The following GNB5 variants were observed in gnomAD, a reference collection of about 807,000 sequenced individuals.
GNB5 encodes the protein G protein subunit beta 5.
In GNB5, 37 loss-of-function variants were observed where a neutral mutation model predicts 55.3. That is an observed-to-expected ratio of 0.67 (90% CI 0.51 to 0.88). GNB5 has a LOEUF of 0.88. Ranked by LOEUF, GNB5 falls within the 40% of genes least tolerant of loss-of-function variation. The pLI is 0.00. For synonymous variants in GNB5, 219 were observed against 198.5 expected, an observed-to-expected ratio of 1.10 and a Z score of -0.87; for missense variants, 476 against 515.3, an observed-to-expected ratio of 0.92 and a Z score of 0.74.
intron 3 of GNB5, among the ~76,000 whole-genome samples, chr15:52,172,977 C>G (rs1029546138): frequency 1.3e-5 from 2 of 151,962 alleles, no homozygotes; most frequent in African/African-American, 4.8e-5. Flanking sequence ...CCTTTTCATA[C>G]GTGGATTTAC....
intron 1 of GNB5, among the ~76,000 whole-genome samples, chr15:52,188,768 A>G (rs1380620897): frequency 6.6e-6 from 1 of 152,214 alleles, no homozygotes; most frequent in Non-Finnish European, 1.5e-5. Flanking sequence ...TATGTGACTT[A>G]AAAAATTACC....
chr15:52,153,788 T>C (rs1566942034), intron 4 of GNB5, 152 bp downstream of exon 4: 3 of 611,928 alleles, frequency 4.9e-6, no homozygotes, highest in African/African-American at 1.8e-5. Flanking sequence ...TTCTATAATA[T>C]GTAAGAGAGT....
chr15:52,187,888 G>T (rs989274800), intron 1 of GNB5, among the ~76,000 whole-genome samples: 3 of 151,612 alleles, frequency 2.0e-5, no homozygotes, highest in Non-Finnish European at 4.4e-5. Flanking sequence ...AGCAGATGTT[G>T]CAGTAAGCTG....
rs2033177756 is a variant in GNB5, at chr15:52,117,943, T to A, written c.*4814A>T. ...ATCTACAAATCCCCACTCAATCAGC[T>A]CTTCCAGGCTTGGGAATGGCCTGGG... On this transcript the variant is annotated 3_prime_UTR_variant, in exon 13 of 13. Coordinates refer to ENST00000261837, the MANE Select transcript of GNB5 (RefSeq NM_016194.4). The A allele has an allele frequency of 6.6e-6, 1 of 152,470 alleles. No homozygotes were observed. Among genetic ancestry groups the A allele is most frequent in the Admixed American group, 6.5e-5 (1 of 15,290 alleles). The allele number at this position is 152,470 out of a possible 1,614,324, so 9.4% of individuals were successfully genotyped here.
In GNB5 at chr15:52,132,057, C is replaced by T. The variant is rs780872022; in HGVS notation, c.863+1321G>A. On this transcript the variant is annotated intron_variant, in intron 9 of 12. Coordinates refer to ENST00000261837, the MANE Select transcript of GNB5 (RefSeq NM_016194.4). ...TAAATGGACTGCTGCTTGCTGCCCT[C>T]GATAAAAGATGTGGGTTCCCTAAGC... Among the ~76,000 whole-genome samples, 6 of 152,176 alleles carry T rather than the reference C, an allele frequency of 3.9e-5. No homozygotes were observed. In the South Asian group the frequency reaches 6.2e-4, roughly 16 times the overall value.
In GNB5 at chr15:52,137,852, A is replaced by C. The variant is rs190908376; in HGVS notation, c.628-2096T>G. ...GCTCTCCCTGCCTTCTGGCTGCTCC[A>C]CAGGGCCTGGGTGAGGTGATAAGAC... On this transcript the variant is annotated intron_variant, in intron 7 of 12. Transcript: ENST00000261837. 2.3e-6 allele frequency: 3 copies of C among 1,286,346 alleles called. No individual in the cohort carries two copies. In the African/African-American group the frequency reaches 4.6e-5, roughly 20 times the overall value. 79.7% of individuals were successfully genotyped at this position (1,286,346 alleles called of 1,614,324 possible). A position where few individuals can be genotyped will look rare whatever the true frequency, so the allele number is the denominator to read the frequency against.
chr15:52,161,338 C>T (rs1379606425), intron 3 of GNB5, among the ~76,000 whole-genome samples: 1 of 152,158 alleles, frequency 6.6e-6, no homozygotes, highest in Non-Finnish European at 1.5e-5. Flanking sequence ...CGCTCTGTTG[C>T]CCAGGCTGGA....
intron 6 of GNB5, among the ~76,000 whole-genome samples, chr15:52,145,942 TTATAA>T (rs1211085298): frequency 6.6e-6 from 1 of 151,726 alleles, no homozygotes; most frequent in Admixed American, 6.6e-5. Flanking sequence ...CTCCCAGCCT[TTATAA>T]TATGACTTTT....
intron 9 of GNB5, among the ~76,000 whole-genome samples, 197 bp downstream of exon 9, chr15:52,133,181 G>T (rs2033622338): frequency 6.6e-6 from 1 of 152,090 alleles, no homozygotes; most frequent in Non-Finnish European, 1.5e-5. Flanking sequence ...GATATTAATT[G>T]CTCCTAATGT....
chr15:52,139,777 CT>C, intron 7 of GNB5: 1 of 1,222,976 alleles, frequency 8.2e-7, no homozygotes, highest in Non-Finnish European at 1.1e-6. Context: ...TTATCTCCGG[CT>C]AAGCTGCTTG....
intron 9 of GNB5, among the ~76,000 whole-genome samples, chr15:52,131,327 GT>G (rs2033568099): frequency 6.6e-6 from 1 of 152,078 alleles, no homozygotes; most frequent in Non-Finnish European, 1.5e-5. Flanking sequence ...ACTAGATATT[GT>G]AAGTAATTGA....
chr15:52,128,755 T>C (rs1566932933), intron 9 of GNB5: 1 of 456,772 alleles, frequency 2.2e-6, no homozygotes, highest in Non-Finnish European at 4.4e-6. Flanking sequence ...AGACAGTCCA[T>C]GCAAAGAATC....
At chr15:52,157,514 G>C (rs567608074) in intron 3 of GNB5, among the ~76,000 whole-genome samples, 2 of 152,144 alleles carry the variant, frequency 1.3e-5, no homozygotes, top group South Asian at 4.1e-4. Flanking sequence ...AAAGTGCTGG[G>C]ATTACAGGAG....
chr15:52,135,625 G>A lies in GNB5; in HGVS notation c.759C>T (p.Thr253=), dbSNP rs758359075. 6.2e-7 allele frequency: 1 copy of A among 1,613,748 alleles called. No homozygotes were observed. Among genetic ancestry groups the A allele is most frequent in the South Asian group, 1.1e-5 (1 of 91,054 alleles). ...LDLAPSETGN[T]FVSGGCDKKA... Reference sequence around the variant, plus strand: ...ACTGGGTCTTTACCCCAGACACGAAGGTGTTTCCAGTTTCTGAGGGGGCCA... The same window carrying A: ...ACTGGGTCTTTACCCCAGACACGAAAGTGTTTCCAGTTTCTGAGGGGGCCA... Residue 253 remains threonine, a synonymous_variant, in exon 8 of 13, where the codon ACC becomes ACT. Transcript: ENST00000261837.
In GNB5 at chr15:52,135,688, G is replaced by C; in HGVS notation, c.696C>G (p.Ser232Arg). The C allele has an allele frequency of 6.2e-7, 1 of 1,613,172 alleles. No individual in the cohort carries two copies. Among genetic ancestry groups the C allele is most frequent in the Non-Finnish European group, 8.5e-7 (1 of 1,179,652 alleles). ...GGACGTCAGCCCCATGTCCGTGGAA[G>C]CTCTGCAGCAGCTGCCCGCTCTCCA... Reference protein sequence around the residue: ...WDVESGQLLQSFHGHGADVLC... With the variant: ...WDVESGQLLQRFHGHGADVLC... Residue 232 changes from serine to arginine, a missense_variant, in exon 8 of 13, where the codon AGC becomes AGG. Physicochemically the swap from Ser to Arg is moderately radical, Grantham distance 110. Transcript: ENST00000261837.
At chr15:52,128,643 C>T (rs2033491532) in intron 9 of GNB5, 3 of 484,968 alleles carry the variant, frequency 6.2e-6, no homozygotes, top group South Asian at 4.6e-5. Flanking sequence ...CCATTTACTA[C>T]CTGCGATACT....
At chr15:52,178,879 C>T (rs953203751) in intron 3 of GNB5, among the ~76,000 whole-genome samples, 3 of 152,202 alleles carry the variant, frequency 2.0e-5, no homozygotes, top group Non-Finnish European at 2.9e-5. Flanking sequence ...AGGAGGGCAC[C>T]GTGGGAGGTG....
At chr15:52,190,818 A>C (rs1014166251) in intron 1 of GNB5, among the ~76,000 whole-genome samples, 28 of 104,648 alleles carry the variant, frequency 2.7e-4, no homozygotes, top group East Asian at 1.1e-3. Context: ...AAAAAAAAAA[A>C]CATAAATGTC....
chr15:52,138,396 A>AG (rs2033775913), intron 7 of GNB5: 1 of 152,004 alleles, frequency 6.6e-6, no homozygotes, highest in Admixed American at 6.6e-5. Flanking sequence ...AAAAAAAAAA[A>AG]AAAAACTCAT....
Sources: gnomAD v4.1 joint callset for allele counts (sites outside exome capture counted in the v4.1 genomes callset) on GRCh38, gnomAD v4.1.1 for gene constraint, MANE v1.5 for transcripts, NCBI Gene and HGNC (gene_info 2026-07-23, HGNC 2026-07-21) for gene names.